RPIA: variants seen among roughly 807,000 people sequenced by gnomAD.
RPIA encodes ribose-5-phosphate isomerase.
In RPIA, 29 loss-of-function variants were observed where a neutral mutation model predicts 37.8. The observed-to-expected ratio is 0.77, with a 90% CI of 0.57 to 1.05. RPIA has a LOEUF of 1.05. Among genes scored for constraint, RPIA ranks in the 50% least tolerant of loss-of-function variants. RPIA has a pLI of 0.00. For missense variants in RPIA, 385 were observed against 413.6 expected, an observed-to-expected ratio of 0.93 and a Z score of 0.60; for synonymous variants, 167 against 157.0, an observed-to-expected ratio of 1.06 and a Z score of -0.48.
intron 8 of RPIA, among the ~76,000 whole-genome samples, chr2:88,740,224 T>A (rs1165269277): frequency 1.3e-5 from 2 of 152,148 alleles, no homozygotes; most frequent in African/African-American, 4.8e-5. Context: ...TGGTTAGACC[T>A]TGGCTGCTTA....
intron 4 of RPIA, among the ~76,000 whole-genome samples, chr2:88,734,182 G>A (rs1319590631): frequency 6.6e-6 from 1 of 150,740 alleles, no homozygotes; most frequent in Non-Finnish European, 1.5e-5. Context: ...TCATTGTAAT[G>A]TCTAAGATTT....
intron 3 of RPIA, among the ~76,000 whole-genome samples, chr2:88,705,562 A>T (rs906838517): frequency 6.6e-6 from 1 of 152,224 alleles, no homozygotes; most frequent in African/African-American, 2.4e-5. Flanking sequence ...TTAACTCAAG[A>T]TGGATTAAGG....
At chr2:88,716,300 TATTG>T (rs1673036081) in intron 3 of RPIA, among the ~76,000 whole-genome samples, 1 of 152,176 alleles carries the variant, frequency 6.6e-6, no homozygotes, top group Non-Finnish European at 1.5e-5. Context: ...ATCTGATACA[TATTG>T]ATTGATGTCT....
At chr2:88,694,979 CA>C (rs61633535) in intron 1 of RPIA, among the ~76,000 whole-genome samples, 91 of 119,118 alleles carry the variant, frequency 7.6e-4, no homozygotes, top group East Asian at 1.0e-3. Context: ...AATAAAGTCT[CA>C]AAAAAAAAAA....
chr2:88,704,082 C>T (rs146392096), intron 3 of RPIA, among the ~76,000 whole-genome samples: 4 of 152,312 alleles, frequency 2.6e-5, no homozygotes, highest in Admixed American at 1.3e-4. Flanking sequence ...TTTTCCATAT[C>T]GCTATCAGCA....
chr2:88,695,298 T>G (rs1672719186), intron 1 of RPIA, among the ~76,000 whole-genome samples: 1 of 152,122 alleles, frequency 6.6e-6, no homozygotes, highest in Non-Finnish European at 1.5e-5. Flanking sequence ...GGACTTGCAT[T>G]TGGTAGGAAG....
intron 3 of RPIA, among the ~76,000 whole-genome samples, chr2:88,709,634 T>C (rs190243072): frequency 2.0e-5 from 3 of 152,358 alleles, no homozygotes; most frequent in Admixed American, 2.0e-4. Context: ...GTTGAGTCCA[T>C]ACTATAATTT....
intron 8 of RPIA, among the ~76,000 whole-genome samples, chr2:88,743,336 AT>A (rs756483611): frequency 2.6e-5 from 4 of 152,146 alleles, no homozygotes; most frequent in Non-Finnish European, 4.4e-5. Context: ...GGTGTGTCAC[AT>A]TTGTTGACTT....
chr2:88,715,468 C>T (rs992628609), intron 3 of RPIA, among the ~76,000 whole-genome samples: 1 of 152,182 alleles, frequency 6.6e-6, no homozygotes, highest in Admixed American at 6.5e-5. Context: ...GCCCATGACT[C>T]TAATGTCAGA....
At chr2:88,720,163 C>A (rs946021931) in intron 3 of RPIA, among the ~76,000 whole-genome samples, 17 of 151,962 alleles carry the variant, frequency 1.1e-4, no homozygotes, top group Non-Finnish European at 1.8e-4. Context: ...GAGTCAAAGC[C>A]CTGTAACTTA....
intron 6 of RPIA, among the ~76,000 whole-genome samples, chr2:88,736,138 G>C (rs969361080): frequency 7.9e-5 from 12 of 152,220 alleles, no homozygotes; most frequent in African/African-American, 2.9e-4. Flanking sequence ...GTCAGGGTTT[G>C]CCGCAGGTGA....
At chr2:88,736,486 C>T in intron 6 of RPIA, 49 bp from the exon 7 acceptor site, 1 of 1,608,526 alleles carries the variant, frequency 6.2e-7, no homozygotes, top group Non-Finnish European at 8.5e-7. Context: ...TTTGCCTGTA[C>T]TGTTGAGCTT....
Position 88,746,536 on chromosome 2 carries a change from T to C in RPIA, c.839-3445T>C, listed in dbSNP as rs138616026. Among the ~76,000 whole-genome samples the C allele has an allele frequency of 6.4e-3, 980 of 152,296 alleles. 8 individuals carry two copies. The highest frequency in any genetic ancestry group is 0.023 in the African/African-American group (952 of 41,566). ...CTGCAGTGGTTATGCCCTTCTGGGG[T>C]TAGCCACCCAGTGCGGCTACTGGGC... On this transcript the variant is annotated intron_variant, in intron 8 of 8. Coordinates refer to ENST00000283646, the MANE Select transcript of RPIA (RefSeq NM_144563.3).
intron 3 of RPIA, among the ~76,000 whole-genome samples, chr2:88,709,113 A>G (rs1672932755): frequency 6.6e-6 from 1 of 152,184 alleles, no homozygotes; most frequent in Non-Finnish European, 1.5e-5. Flanking sequence ...AAGACTAAGG[A>G]TGGTATACAC....
chr2:88,729,139 C>T (rs1673234175), intron 3 of RPIA, 139 bp from the exon 4 acceptor site: 1 of 857,154 alleles, frequency 1.2e-6, no homozygotes, highest in Non-Finnish European at 1.9e-6. Context: ...GGCTAGATCT[C>T]CTACCTCATG....
Position 88,748,506 on chromosome 2 carries a change from G to A in RPIA, c.839-1475G>A, listed in dbSNP as rs142031809. Reference sequence around the variant, plus strand: ...ACTTAGCCTTCTACCAACAGTGTGTGCAGGTATCTGTTTCCCTGCATACCT... The same window carrying A: ...ACTTAGCCTTCTACCAACAGTGTGTACAGGTATCTGTTTCCCTGCATACCT... On this transcript the variant is annotated intron_variant, in intron 8 of 8. Coordinates refer to ENST00000283646, the MANE Select transcript of RPIA (RefSeq NM_144563.3). Among the ~76,000 whole-genome samples the A allele has an allele frequency of 1.9e-3, 296 of 152,258 alleles. 2 individuals are homozygous for A. The highest frequency in any genetic ancestry group is 7.0e-3 in the African/African-American group (291 of 41,536).
chr2:88,725,259 G>T (rs902458211), intron 3 of RPIA, among the ~76,000 whole-genome samples: 3 of 152,080 alleles, frequency 2.0e-5, no homozygotes, highest in African/African-American at 7.2e-5. Flanking sequence ...GCCAGTAGTG[G>T]GTCAAAACCC....
At chr2:88,723,858 C>G (rs1049724345) in intron 3 of RPIA, among the ~76,000 whole-genome samples, 1 of 151,910 alleles carries the variant, frequency 6.6e-6, no homozygotes, top group African/African-American at 2.4e-5. Flanking sequence ...GCAAGATGAA[C>G]ATTGGTTTGG....
intron 8 of RPIA, among the ~76,000 whole-genome samples, chr2:88,744,433 G>A (rs576902961): frequency 5.1e-4 from 77 of 152,102 alleles, no homozygotes; most frequent in African/African-American, 1.8e-3. Context: ...TCATGTTGGA[G>A]AATGTTCCAG....
Sources: allele counts gnomAD v4.1 joint callset (sites outside exome capture counted in the v4.1 genomes callset), GRCh38; gene constraint gnomAD v4.1.1; transcripts MANE v1.5; gene names NCBI Gene and HGNC (gene_info 2026-07-23, HGNC 2026-07-21).